CRLF2: variants seen among roughly 807,000 people sequenced by gnomAD.
CRLF2 encodes cytokine receptor-like factor 2.
In CRLF2, 41 loss-of-function variants were observed where a neutral mutation model predicts 38.7. The observed-to-expected ratio is 1.06, with a 90% CI of 0.83 to 1.37. The LOEUF (loss-of-function observed/expected upper bound fraction) is 1.37, where lower values mean the gene tolerates loss of function less well. CRLF2 is among the 40% of genes most tolerant of loss of function. The probability of loss-of-function intolerance (pLI) is 0.00; values close to 1 mark genes in which losing one functional copy is unlikely to be tolerated. For missense variants in CRLF2, 377 were observed against 322.2 expected (o/e 1.17, Z -1.30); for synonymous variants, 140 against 128.8 (o/e 1.09, Z -0.59).
intron 1 of CRLF2, among the ~76,000 whole-genome samples, chrX:1,210,802 A>G (rs28547355): frequency 0.39 from 59,962 of 152,012 alleles, 12,417 homozygotes; most frequent in African/African-American, 0.51. Context: ...ACAGATAGAT[A>G]GGGATGGGTA....
chrX:1,194,829 C>G (rs1435227838), intron 6 of CRLF2, among the ~76,000 whole-genome samples: 1 of 151,542 alleles, frequency 6.6e-6, no homozygotes, highest in Non-Finnish European at 1.5e-5. Flanking sequence ...GTCAGGAGTT[C>G]GAGACCAGCC....
rs771615075 is a variant in CRLF2, at chrX:1,198,635, C to T, written c.573G>A (p.Glu191=). 6.2e-7 allele frequency: 1 copy of T among 1,613,636 alleles called. No homozygotes were observed. The highest frequency in any genetic ancestry group is 8.5e-7 in the Non-Finnish European group (1 of 1,179,672). The change falls in exon 5 of 8, where the codon GAG becomes GAA. Residue 191 remains glutamate, a synonymous_variant. Coordinates refer to ENST00000400841, the MANE Select transcript of CRLF2 (RefSeq NM_022148.4). ...YSFWVRVKAM[E]DVYGPDTYPS... ...GGTATGTGTCTGGCCCATATACATC[C>T]TCCATAGCCTTCACCCTGACCCAGA...
chrX:1,196,976 C>T, intron 5 of CRLF2, 76 bp from the exon 6 acceptor site: 5 of 1,347,822 alleles, frequency 3.7e-6, no homozygotes, highest in Middle Eastern at 2.3e-4. Flanking sequence ...GATGTTACAT[C>T]TCATCCCTAA....
chrX:1,196,725 A>G lies in CRLF2; in HGVS notation c.767+55T>C. The G allele has an allele frequency of 2.5e-6, 4 of 1,595,084 alleles. No individual in the cohort carries two copies. In the South Asian group the frequency reaches 3.4e-5, roughly 13 times the overall value. ...GGCGATTAATCTTTTTTCGTACTTC[A>G]CAGACATTGTGCAAGCAGGTCCCTC... On this transcript the variant is annotated intron_variant, in intron 6 of 7. Coordinates refer to ENST00000400841, the MANE Select transcript of CRLF2 (RefSeq NM_022148.4).
At chrX:1,196,472 C>T (rs1443459057) in intron 6 of CRLF2, among the ~76,000 whole-genome samples, 1 of 151,778 alleles carries the variant, frequency 6.6e-6, no homozygotes, top group Non-Finnish European at 1.5e-5. Context: ...AGGCGTGAAC[C>T]ACCGTGCCTG....
chrX:1,211,933 ATGGG>A (rs2086810202), intron 1 of CRLF2, among the ~76,000 whole-genome samples: 2 of 141,116 alleles, frequency 1.4e-5, no homozygotes, highest in East Asian at 2.2e-4. Flanking sequence ...GGATGGGTGG[ATGGG>A]TGGATGGATG....
At chrX:1,200,104 G>GTA (rs371362805) in intron 4 of CRLF2, among the ~76,000 whole-genome samples, 75,111 of 149,872 alleles carry the variant, frequency 0.5, 19,270 homozygotes, top group East Asian at 0.68. Context: ...AGCTGTGTGT[G>GTA]TATATATATA....
chrX:1,212,037 G>A (rs1458897648), intron 1 of CRLF2, among the ~76,000 whole-genome samples: 1 of 151,718 alleles, frequency 6.6e-6, no homozygotes, highest in Non-Finnish European at 1.5e-5. Flanking sequence ...TGAAAGGTTG[G>A]GTGGACGGAT....
At chrX:1,202,351 C>A in intron 4 of CRLF2, 51 bp downstream of exon 4, 1 of 1,609,380 alleles carries the variant, frequency 6.2e-7, no homozygotes, top group Non-Finnish European at 8.5e-7. Context: ...ACAGCCCGCA[C>A]CTGGGGGACG....
intron 4 of CRLF2, among the ~76,000 whole-genome samples, chrX:1,201,283 T>TGTGTCTGTGTGTGTCTGTGC (rs2086600013): frequency 1.3e-5 from 2 of 151,456 alleles, no homozygotes; most frequent in South Asian, 4.2e-4. Flanking sequence ...TGTGCCTGTG[T>TGTGTCTGTGTGTGTCTGTGC]GTGTCTGTGT....
rs547274833 is a variant in CRLF2 at position 1,204,677 on chromosome X, C to T, written c.349+1756G>A. Among the ~76,000 whole-genome samples, 184 of 146,618 alleles carry T rather than the reference C, an allele frequency of 1.3e-3. 1 individual carries two copies. Among genetic ancestry groups the T allele is most frequent in the South Asian group, 5.0e-3 (23 of 4,634 alleles). The stretch of plus-strand genomic sequence containing the variant: ...CTGGGATTACAAGCGTGTGCCACCA[C>T]GCCTGGCTAATTTTTTTTAAATTAT... On this transcript the variant is annotated intron_variant, in intron 3 of 7. Transcript: ENST00000400841.
intron 5 of CRLF2, among the ~76,000 whole-genome samples, chrX:1,197,650 C>T (rs2086510828): frequency 6.6e-6 from 1 of 151,770 alleles, no homozygotes; most frequent in Non-Finnish European, 1.5e-5. Flanking sequence ...GCCATCCCTA[C>T]TAAAAATACA....
chrX:1,207,513 C>T (rs1268163473), intron 2 of CRLF2, among the ~76,000 whole-genome samples: 8 of 58,574 alleles, frequency 1.4e-4, no homozygotes, highest in Non-Finnish European at 7.2e-5. Context: ...CCCCCCCCCC[C>T]TCAGCCTCCC....
At chrX:1,202,176 A>C (rs1289185813) in intron 4 of CRLF2, among the ~76,000 whole-genome samples, 1 of 152,124 alleles carries the variant, frequency 6.6e-6, no homozygotes, top group African/African-American at 2.4e-5. Flanking sequence ...ATAGACAGAC[A>C]GACAGACATA....
intron 7 of CRLF2, 135 bp from the exon 8 acceptor site, chrX:1,191,295 CTCTTTCTTTCTTTCTTTCTTTCTT>C (rs1237998931): frequency 1.2e-5 from 4 of 331,124 alleles, no homozygotes; most frequent in African/African-American, 8.6e-5. Context: ...CTTTTCTTTT[CTCTTTCTTTCTTTCTTTCTTTCTT>C]TCTTTCTTTC....
intron 1 of CRLF2, 121 bp downstream of exon 1, chrX:1,212,435 A>AG (rs1450844470): frequency 5.4e-4 from 319 of 596,010 alleles, no homozygotes; most frequent in South Asian, 2.2e-3. Context: ...AAAAAAAAAA[A>AG]AAAGAAAAGA....
At chrX:1,192,022 G>C (rs1376606718) in intron 7 of CRLF2, among the ~76,000 whole-genome samples, 1 of 144,176 alleles carries the variant, frequency 6.9e-6, no homozygotes, top group Non-Finnish European at 1.5e-5. Flanking sequence ...CGACTAACAT[G>C]GTGAAACCCC....
At chrX:1,196,036 A>T (rs1479484226) in intron 6 of CRLF2, among the ~76,000 whole-genome samples, 1 of 141,466 alleles carries the variant, frequency 7.1e-6, no homozygotes, top group African/African-American at 2.6e-5. Flanking sequence ...ATATAATTAT[A>T]CACCCGGCTA....
intron 5 of CRLF2, among the ~76,000 whole-genome samples, chrX:1,197,301 A>C (rs1267320766): frequency 2.1e-5 from 3 of 141,536 alleles, no homozygotes; most frequent in Non-Finnish European, 4.7e-5. Flanking sequence ...TTTTTTTTTT[A>C]ATGAATGTTA....
Sources: gnomAD v4.1 joint callset for allele counts (sites outside exome capture counted in the v4.1 genomes callset) on GRCh38, gnomAD v4.1.1 for gene constraint, MANE v1.5 for transcripts, NCBI Gene and HGNC (gene_info 2026-07-23, HGNC 2026-07-21) for gene names.